IFT122: variants seen among roughly 807,000 people sequenced by gnomAD.
The protein encoded by IFT122 is intraflagellar transport 122, also known as intraflagellar transport protein 122 homolog.
In IFT122, 118 loss-of-function variants were observed where a neutral mutation model predicts 161.6. The observed-to-expected ratio is 0.73, with a 90% CI of 0.63 to 0.85. IFT122 has a LOEUF of 0.85. Ranked by LOEUF, IFT122 falls within the 40% of genes least tolerant of loss-of-function variation. The pLI is 0.00. For synonymous variants in IFT122, 550 were observed against 602.4 expected (o/e 0.91, Z 1.27); for missense variants, 1,381 against 1,579.6 (o/e 0.87, Z 2.13).
At chr3:129,450,581 A>G (rs1451290723) in intron 2 of IFT122, among the ~76,000 whole-genome samples, 3 of 152,162 alleles carry the variant, frequency 2.0e-5, no homozygotes, top group Non-Finnish European at 2.9e-5. Context: ...ACATGGTTAA[A>G]TTGTTCTGCA....
At chr3:129,507,899 T>C (rs1334917599) in intron 23 of IFT122, 137 bp downstream of exon 23, 3 of 720,268 alleles carry the variant, frequency 4.2e-6, no homozygotes, top group Non-Finnish European at 7.4e-6. Flanking sequence ...TGGTCTCCTC[T>C]GGGAAGAAAA....
Position 129,479,801 on chromosome 3 carries a change from G to A in IFT122, c.1367G>A (p.Cys456Tyr), listed in dbSNP as rs1335391766. The A allele has an allele frequency of 1.2e-6, 2 of 1,613,922 alleles. No homozygotes were observed. The highest frequency in any genetic ancestry group is 1.7e-5 in the Admixed American group (1 of 60,000). ...GCTTCCTAGGAGAAACGGCTGCAGT[G>A]CCTGTCCTTCAGCGGAGTGAAGGAG... The part of the protein sequence containing the change: ...IILCQEKRLQ[C>Y]LSFSGVKERE... The change falls in exon 13 of 30, where the codon TGC becomes TAC. Residue 456 changes from cysteine (C) to tyrosine (Y), a missense_variant. Physicochemically the swap from Cys to Tyr is radical, Grantham distance 194 (BLOSUM62 -2). Coordinates refer to ENST00000348417, the MANE Select transcript of IFT122 (RefSeq NM_052989.3).
At chr3:129,518,991 G>A in intron 27 of IFT122, 116 bp from the exon 28 acceptor site, 1 of 882,000 alleles carries the variant, frequency 1.1e-6, no homozygotes, top group Non-Finnish European at 1.9e-6. Flanking sequence ...TCCTCCACCT[G>A]GAAAACTCTT....
Position 129,476,920 on chromosome 3 carries a change from A to T in IFT122, c.1147+119A>T, listed in dbSNP as rs115206156. On this transcript the variant is annotated intron_variant, in intron 11 of 29. Transcript: ENST00000348417. ...CTCTTTGGCGTTTTGCAAACCTGTTAGCCACTGGGTCTGTGTCTTGTTTTC... is the reference window on the plus strand; with the variant it reads ...CTCTTTGGCGTTTTGCAAACCTGTTTGCCACTGGGTCTGTGTCTTGTTTTC... 4.0e-4 allele frequency: 463 copies of T among 1,145,736 alleles called. No individual in the cohort carries two copies. The African/African-American group carries it at 4.8e-3, about 12-fold the overall frequency. The allele number at this position is 1,145,736 out of a possible 1,614,324, so 71.0% of individuals were successfully genotyped here.
At chr3:129,495,403 C>G in intron 17 of IFT122, 43 bp from the exon 18 acceptor site, 4 of 1,611,720 alleles carry the variant, frequency 2.5e-6, no homozygotes, top group Non-Finnish European at 3.4e-6. Flanking sequence ...TGCTTCCTGC[C>G]CATGGCTGCA....
intron 9 of IFT122, among the ~76,000 whole-genome samples, chr3:129,470,030 G>A (rs1275032455): frequency 6.6e-6 from 1 of 152,050 alleles, no homozygotes; most frequent in African/African-American, 2.4e-5. Flanking sequence ...GGGAGGTCTT[G>A]TTAGAGGTTA....
chr3:129,464,903 C>T (rs959822755), intron 7 of IFT122, 122 bp downstream of exon 7: 2 of 1,123,978 alleles, frequency 1.8e-6, no homozygotes, highest in Non-Finnish European at 2.7e-6. Context: ...GTTTTAGAAC[C>T]TGTCCCATTT....
In IFT122 at chr3:129,510,681, C is replaced by CT. The variant is rs565769093; in HGVS notation, c.2887-1630dup. Among the ~76,000 whole-genome samples, 1,198 of 152,324 alleles carry CT rather than the reference C, an allele frequency of 7.9e-3. 9 individuals carry two copies. The highest frequency in any genetic ancestry group is 0.013 in the Non-Finnish European group (876 of 68,028). Reference sequence around the variant, plus strand: ...GGCATGGGGCTGAGGGCTCCTGTCTCTAACAGCTGAGCTCTGCTCCAGGAC... The same window carrying CT: ...GGCATGGGGCTGAGGGCTCCTGTCTCTTAACAGCTGAGCTCTGCTCCAGGAC... On this transcript the variant is annotated intron_variant, in intron 23 of 29. Coordinates refer to ENST00000348417, the MANE Select transcript of IFT122 (RefSeq NM_052989.3).
At chr3:129,514,205 G>T in intron 24 of IFT122, 184 bp from the exon 25 acceptor site, 1 of 719,184 alleles carries the variant, frequency 1.4e-6, no homozygotes, top group Non-Finnish European at 2.5e-6. Context: ...AAAATTCCTG[G>T]GCCTTGCCAT....
chr3:129,466,584 C>T (rs1039002211), intron 7 of IFT122, among the ~76,000 whole-genome samples: 3 of 150,076 alleles, frequency 2.0e-5, no homozygotes, highest in Admixed American at 6.7e-5. Context: ...TCACTGCAAC[C>T]TCCGCCTCCC....
chr3:129,460,703 CAACA>C, intron 4 of IFT122: 1 of 723,148 alleles, frequency 1.4e-6, no homozygotes, highest in Non-Finnish European at 2.5e-6. Flanking sequence ...GTGTACAAAT[CAACA>C]AACAATTTTT....
intron 17 of IFT122, among the ~76,000 whole-genome samples, chr3:129,495,158 T>C (rs1483074707): frequency 2.0e-5 from 3 of 152,188 alleles, no homozygotes; most frequent in African/African-American, 7.2e-5. Flanking sequence ...ATTCAAACTA[T>C]TCCGTCATAG....
chr3:129,455,048 T>G (rs2075306424), intron 3 of IFT122, among the ~76,000 whole-genome samples: 1 of 152,152 alleles, frequency 6.6e-6, no homozygotes, highest in African/African-American at 2.4e-5. Context: ...GTATAATGAT[T>G]AAGAAGTCTT....
chr3:129,514,002 C>T, intron 24 of IFT122: 2 of 365,218 alleles, frequency 5.5e-6, no homozygotes, highest in South Asian at 4.2e-5. Flanking sequence ...GAGTCTGGAC[C>T]AGGCCCCACC....
At chr3:129,481,369 A>T (rs750415370) in intron 13 of IFT122, 161 bp from the exon 14 acceptor site, 22 of 672,764 alleles carry the variant, frequency 3.3e-5, no homozygotes, top group Non-Finnish European at 5.4e-5. Context: ...ATTGCCCCCC[A>T]CCCCCCTCTT....
chr3:129,466,063 C>T lies in IFT122; in HGVS notation c.564-827C>T, dbSNP rs534899658. Among the ~76,000 whole-genome samples, 3 of 152,128 alleles carry T rather than the reference C, an allele frequency of 2.0e-5. No individual in the cohort carries two copies. The South Asian group carries it at 6.2e-4, about 32-fold the overall frequency. On this transcript the variant is annotated intron_variant, in intron 7 of 29. Coordinates refer to ENST00000348417, the MANE Select transcript of IFT122 (RefSeq NM_052989.3). ...ACCTCAGGTTATCCACCCACCTCAG[C>T]CTCCCAAAGTGCTGAGATTACAGGT...
At position 129,502,847 on chromosome 3, in the gene IFT122, G is replaced by A. The variant is rs763142182; in HGVS notation, c.2512G>A (p.Val838Met). Reference protein sequence around the residue: ...YLKMGDLKSLVQLHVETQRWD... With the variant: ...YLKMGDLKSLMQLHVETQRWD... ...GAAGATGGGTGACCTCAAGTCCCTG[G>A]TGCAGCTGCACGTGGAGACCCAGCG... is the stretch of plus-strand genomic sequence containing the variant. Residue 838 changes from valine (V) to methionine (M), a missense_variant, in exon 20 of 30, where the codon GTG (valine) becomes ATG (methionine). Val to Met is a conservative substitution (Grantham distance 21, BLOSUM62 1). Transcript: ENST00000348417. The A allele has an allele frequency of 6.2e-7, 1 of 1,612,490 alleles. No individual in the cohort carries two copies. The highest frequency in any genetic ancestry group is 1.3e-5 in the African/African-American group (1 of 75,066).
chr3:129,519,024 G>A, intron 27 of IFT122, 83 bp from the exon 28 acceptor site: 3 of 1,200,488 alleles, frequency 2.5e-6, no homozygotes, highest in Non-Finnish European at 3.7e-6. Flanking sequence ...CTGCCCTTGA[G>A]TCTTCTCACA....
At chr3:129,515,630 G>T (rs778713531) in intron 26 of IFT122, 31 bp downstream of exon 26, 1 of 1,494,138 alleles carries the variant, frequency 6.7e-7, no homozygotes, top group South Asian at 1.1e-5. Context: ...CATGTGGGTG[G>T]GACAGCCTGT....
Sources: allele counts gnomAD v4.1 joint callset (sites outside exome capture counted in the v4.1 genomes callset), GRCh38; gene constraint gnomAD v4.1.1; transcripts MANE v1.5; gene names NCBI Gene and HGNC (gene_info 2026-07-23, HGNC 2026-07-21).